The following PDAP1 variants were observed in gnomAD, a reference collection of about 807,000 sequenced individuals.
The protein encoded by PDAP1 is 28 kDa heat- and acid-stable phosphoprotein.
A neutral mutation model predicts 28.0 loss-of-function variants in PDAP1; 13 were observed. That is an observed-to-expected ratio of 0.46 (90% CI 0.30 to 0.74). The LOEUF (loss-of-function observed/expected upper bound fraction) is 0.74. PDAP1 is among the 30% of genes least tolerant of loss of function. The pLI, the probability that PDAP1 is intolerant of heterozygous loss-of-function variation, is 0.07. For synonymous variants in PDAP1, 77 were observed against 85.1 expected, an observed-to-expected ratio of 0.91 and a Z score of 0.52; for missense variants, 150 against 230.0, an observed-to-expected ratio of 0.65 and a Z score of 2.25.
chr7:99,404,775 G>T, intron 2 of PDAP1, 87 bp downstream of exon 2: 1 of 1,014,330 alleles, frequency 9.9e-7, no homozygotes, highest in African/African-American at 1.6e-5. Flanking sequence ...CCTGCGAATG[G>T]GTAGTCCTTG....
intron 4 of PDAP1, among the ~76,000 whole-genome samples, chr7:99,398,258 T>C (rs1794802463): frequency 6.6e-6 from 1 of 152,140 alleles, no homozygotes; most frequent in African/African-American, 2.4e-5. Flanking sequence ...AAGGGGACAA[T>C]GTCCAGCTAC....
Position 99,394,770 on chromosome 7 carries a change from G to GCAA in PDAP1, c.*1909_*1911dup. 1.7e-6 allele frequency: 2 copies of GCAA among 1,157,834 alleles called. No individual in the cohort carries two copies. Among genetic ancestry groups the GCAA allele is most frequent in the African/African-American group, 4.0e-5 (2 of 49,808 alleles). The allele number at this position is 1,157,834 out of a possible 1,614,324, so 71.7% of individuals were successfully genotyped here. A position where few individuals can be genotyped will look rare whatever the true frequency, so the allele number is the denominator to read the frequency against. Reference sequence around the variant, plus strand: ...CTTCAAAATGTGGAGGTAATAAAATGCAACTGTGTAAAAAAAAAAAAAAAA... The same window carrying GCAA: ...CTTCAAAATGTGGAGGTAATAAAATGCAACAACTGTGTAAAAAAAAAAAAAAAA... On this transcript the variant is annotated 3_prime_UTR_variant, in exon 6 of 6. Transcript: ENST00000350498.
rs141998655 is a variant in PDAP1, at chr7:99,404,870, T to C, written c.97A>G (p.Lys33Glu). 1.2e-6 allele frequency: 2 copies of C among 1,612,434 alleles called. No individual in the cohort carries two copies. The highest frequency in any genetic ancestry group is 1.7e-6 in the Non-Finnish European group (2 of 1,179,786). The change falls in exon 2 of 6, where the codon AAG becomes GAG. Residue 33 changes from lysine to glutamate, a missense_variant. Coordinates refer to ENST00000350498, the MANE Select transcript of PDAP1 (RefSeq NM_014891.7). ...IDAQLQAEKQ[K>E]AREEEEQKEG... ...GACAGGCACGTACTCACCCTGGCCT[T>C]CTGCTTCTCAGCCTGCAGCTGCGCG... is the stretch of plus-strand genomic sequence containing the variant.
Position 99,394,966 on chromosome 7 carries a change from T to TA in PDAP1, c.*1715dup. On this transcript the variant is annotated 3_prime_UTR_variant, in exon 6 of 6. Coordinates refer to ENST00000350498, the MANE Select transcript of PDAP1 (RefSeq NM_014891.7). Reference sequence around the variant, plus strand: ...GGAGAGATTGGTGTTTGCACGGCCATAGGTAGATAGCTTATTTTTACTGCT... The same window carrying TA: ...GGAGAGATTGGTGTTTGCACGGCCATAAGGTAGATAGCTTATTTTTACTGCT... 1 of 423,046 alleles carries TA rather than the reference T, an allele frequency of 2.4e-6. No homozygotes were observed. The highest frequency in any genetic ancestry group is 3.5e-6 in the Non-Finnish European group (1 of 283,816). 26.2% of individuals were successfully genotyped at this position (423,046 alleles called of 1,614,324 possible). A position where few individuals can be genotyped will look rare whatever the true frequency, so the allele number is the denominator to read the frequency against.
At chr7:99,403,195 C>T (rs1794911481) in intron 3 of PDAP1, 3 of 577,586 alleles carry the variant, frequency 5.2e-6, no homozygotes, top group Admixed American at 3.2e-5. Context: ...TCCCCTCAAT[C>T]ACAGTCTGTT....
chr7:99,402,094 G>A (rs190953971), intron 3 of PDAP1, among the ~76,000 whole-genome samples: 270 of 151,584 alleles, frequency 1.8e-3, no homozygotes, highest in African/African-American at 6.4e-3. Context: ...ATGGTGAAAC[G>A]CTACCTCTAC....
Position 99,402,208 on chromosome 7 carries a change from G to A in PDAP1, c.213+1190C>T, listed in dbSNP as rs1342659840. On this transcript the variant is annotated intron_variant, in intron 3 of 5. Coordinates refer to ENST00000350498, the MANE Select transcript of PDAP1 (RefSeq NM_014891.7). ...CGCACCACTGCACTCCAGCCTGGGC[G>A]ACAGAGAGACTCCATCTCCCAAAAA... Among the ~76,000 whole-genome samples the A allele has an allele frequency of 1.3e-4, 17 of 133,954 alleles. No individual in the cohort carries two copies. In the East Asian group the frequency reaches 1.3e-3, roughly 10 times the overall value. 87.9% of individuals were successfully genotyped at this position (133,954 alleles called of 152,430 possible).
At chr7:99,408,427 C>A in intron 1 of PDAP1, 109 bp downstream of exon 1, 2 of 1,023,370 alleles carry the variant, frequency 2.0e-6, no homozygotes, top group Non-Finnish European at 2.6e-6. Context: ...CCGGTGCGGA[C>A]AGCCTCCCTC....
At chr7:99,398,992 T>C (rs1222265839) in intron 4 of PDAP1, among the ~76,000 whole-genome samples, 2 of 152,178 alleles carry the variant, frequency 1.3e-5, no homozygotes, top group African/African-American at 4.8e-5. Flanking sequence ...CTTCCCAAGC[T>C]TGAGATTCTG....
chr7:99,406,555 TTA>T (rs1794975374), intron 1 of PDAP1: 1 of 985,002 alleles, frequency 1.0e-6, no homozygotes, highest in Non-Finnish European at 1.2e-6. Flanking sequence ...AGTGTCAGTT[TTA>T]TAGTCTGACC....
At chr7:99,403,837 C>CAGCCACCAGGCTGAA (rs926884844) in intron 2 of PDAP1, among the ~76,000 whole-genome samples, 6 of 152,170 alleles carry the variant, frequency 3.9e-5, no homozygotes, top group African/African-American at 1.4e-4. Flanking sequence ...CAGAAGGACT[C>CAGCCACCAGGCTGAA]AGCCACCAGG....
chr7:99,397,382 G>A (rs1794787817), intron 5 of PDAP1, among the ~76,000 whole-genome samples: 1 of 152,194 alleles, frequency 6.6e-6, no homozygotes, highest in Admixed American at 6.5e-5. Flanking sequence ...GGCCTGCCTG[G>A]AGGGGAGAGC....
In PDAP1 at chr7:99,395,699, C is replaced by T. The variant is rs1584416580; in HGVS notation, c.*983G>A. The T allele has an allele frequency of 6.6e-6, 1 of 152,320 alleles. No homozygotes were observed. The highest frequency in any genetic ancestry group is 1.5e-5 in the Non-Finnish European group (1 of 68,056). 9.4% of individuals were successfully genotyped at this position (152,320 alleles called of 1,614,324 possible). ...TAACCACCAGGGGACACCTACAGGC[C>T]AGGCCAGGCCAGGATCCTGGTGCTG... On this transcript the variant is annotated 3_prime_UTR_variant, in exon 6 of 6. Transcript: ENST00000350498.
intron 1 of PDAP1, among the ~76,000 whole-genome samples, chr7:99,407,102 C>T (rs1196946666): frequency 6.6e-6 from 1 of 152,192 alleles, no homozygotes; most frequent in Non-Finnish European, 1.5e-5. Flanking sequence ...CTTTAAAAAA[C>T]GATTTGCACT....
rs931758848 is a variant in PDAP1 at position 99,396,505 on chromosome 7, C to A, written c.*177G>T. 10 of 373,658 alleles carry A rather than the reference C, an allele frequency of 2.7e-5. No individual in the cohort carries two copies. Among genetic ancestry groups the A allele is most frequent in the South Asian group, 1.3e-4 (6 of 45,426 alleles). The allele number at this position is 373,658 out of a possible 1,614,324, so 23.1% of individuals were successfully genotyped here. A position where few individuals can be genotyped will look rare whatever the true frequency, so the allele number is the denominator to read the frequency against. ...GATAGCAGCTACCCCTCCCCCAGTC[C>A]CCCCCCCCATCCCCCAAACAATTTC... On this transcript the variant is annotated 3_prime_UTR_variant, in exon 6 of 6. Transcript: ENST00000350498.
rs1029157578 is a variant in PDAP1, at chr7:99,395,660, G to C, written c.*1022C>G. On this transcript the variant is annotated 3_prime_UTR_variant, in exon 6 of 6. Transcript: ENST00000350498. ...CTAGTGCTATTCCCCTTCTCCCCTA[G>C]AGTTACAGAATTATAACCACCAGGG... 3 of 152,204 alleles carry C rather than the reference G, an allele frequency of 2.0e-5. No homozygotes were observed. Among genetic ancestry groups the C allele is most frequent in the African/African-American group, 7.2e-5 (3 of 41,436 alleles). 9.4% of individuals were successfully genotyped at this position (152,204 alleles called of 1,614,324 possible). A position where few individuals can be genotyped will look rare whatever the true frequency, so the allele number is the denominator to read the frequency against.
intron 1 of PDAP1, among the ~76,000 whole-genome samples, chr7:99,405,747 C>A (rs1036205526): frequency 6.6e-6 from 1 of 152,084 alleles, no homozygotes; most frequent in South Asian, 2.1e-4. Flanking sequence ...AGACTTAGAC[C>A]AAAGCAGACT....
At chr7:99,402,768 GC>G (rs1794896850) in intron 3 of PDAP1, among the ~76,000 whole-genome samples, 2 of 151,122 alleles carry the variant, frequency 1.3e-5, no homozygotes, top group South Asian at 4.2e-4. Flanking sequence ...TGTAGTCCCA[GC>G]TACTCAGGAG....
chr7:99,398,482 G>T (rs1307219051), intron 4 of PDAP1, among the ~76,000 whole-genome samples: 1 of 152,340 alleles, frequency 6.6e-6, no homozygotes, highest in Admixed American at 6.5e-5. Flanking sequence ...ACTTGAGGCT[G>T]TAAGTTTGAG....
Sources: allele counts gnomAD v4.1 joint callset (sites outside exome capture counted in the v4.1 genomes callset), GRCh38; gene constraint gnomAD v4.1.1; transcripts MANE v1.5; gene names NCBI Gene and HGNC (gene_info 2026-07-23, HGNC 2026-07-21).